The following SYT14 variants were observed in gnomAD, a reference collection of about 807,000 sequenced individuals.
SYT14 encodes synaptotagmin 14.
A neutral mutation model predicts 74.2 loss-of-function variants in SYT14; 32 were observed. The observed-to-expected ratio is 0.43, with a 90% CI of 0.33 to 0.58. The LOEUF (loss-of-function observed/expected upper bound fraction) is 0.58. Ranked by LOEUF, SYT14 falls within the 20% of genes least tolerant of loss-of-function variation. The pLI is 0.05. For missense variants in SYT14, 791 were observed against 981.8 expected, an observed-to-expected ratio of 0.81 and a Z score of 2.60; for synonymous variants, 298 against 337.7, an observed-to-expected ratio of 0.88 and a Z score of 1.29.
intron 1 of SYT14, among the ~76,000 whole-genome samples, chr1:209,947,144 C>A (rs115589300): frequency 6.6e-6 from 1 of 152,088 alleles, no homozygotes; most frequent in East Asian, 1.9e-4. Context: ...CTGATGGAGA[C>A]GTACAAGGAG....
intron 5 of SYT14, among the ~76,000 whole-genome samples, chr1:210,032,851 A>C (rs894709593): frequency 1.3e-5 from 2 of 150,354 alleles, no homozygotes; most frequent in Admixed American, 6.7e-5. Flanking sequence ...TAATTGTGAT[A>C]GAAGCGTACC....
chr1:210,034,310 A>C (rs1317254118), intron 5 of SYT14, among the ~76,000 whole-genome samples: 1 of 151,828 alleles, frequency 6.6e-6, no homozygotes, highest in African/African-American at 2.4e-5. Context: ...TAGATAACAT[A>C]ATATGAGAAA....
At chr1:210,072,581 G>A (rs1483439664) in intron 5 of SYT14, among the ~76,000 whole-genome samples, 1 of 152,012 alleles carries the variant, frequency 6.6e-6, no homozygotes, top group Non-Finnish European at 1.5e-5. Flanking sequence ...GGACATGGGA[G>A]TACAGGAGTA....
exon 7 of SYT14, chr1:210,100,383 G>T (rs2082042143): frequency 1.9e-6 from 3 of 1,613,556 alleles, no homozygotes; most frequent in Admixed American, 1.7e-5. Context: ...TGGGGGAAAA[G>T]ATTTTTTATT....
intron 5 of SYT14, among the ~76,000 whole-genome samples, chr1:210,026,605 T>TACAC (rs368072216): frequency 0.12 from 16,802 of 138,204 alleles, 1,086 homozygotes; most frequent in African/African-American, 0.14. Context: ...GTATATAGCT[T>TACAC]ACACACACAC....
chr1:210,047,927 A>G (rs1030891427), intron 5 of SYT14, among the ~76,000 whole-genome samples: 1 of 152,198 alleles, frequency 6.6e-6, no homozygotes, highest in African/African-American at 2.4e-5. Context: ...GTGTTACATC[A>G]GGGACCACAT....
intron 1 of SYT14, among the ~76,000 whole-genome samples, chr1:209,950,857 A>G (rs1308694492): frequency 6.6e-6 from 1 of 152,182 alleles, no homozygotes; most frequent in Non-Finnish European, 1.5e-5. Flanking sequence ...GGAAAGTTTA[A>G]AAGTAATTCA....
At chr1:209,950,536 G>A (rs1304542559) in intron 1 of SYT14, among the ~76,000 whole-genome samples, 1 of 152,074 alleles carries the variant, frequency 6.6e-6, no homozygotes, top group African/African-American at 2.4e-5. Flanking sequence ...TATAACCATA[G>A]TTTTAAGTTA....
intron 2 of SYT14, chr1:209,953,125 G>A: frequency 2.3e-6 from 3 of 1,297,366 alleles, no homozygotes; most frequent in Non-Finnish European, 3.0e-6. Flanking sequence ...TCAGAGAGAT[G>A]TGAGGAGTTG....
At chr1:210,012,704 C>A (rs1033592125) in intron 2 of SYT14, among the ~76,000 whole-genome samples, 1 of 150,574 alleles carries the variant, frequency 6.6e-6, no homozygotes, top group South Asian at 2.1e-4. Context: ...TTCTTTCTTT[C>A]TTTCTTTTTT....
intron 9 of SYT14, 90 bp from the exon 9 acceptor site, chr1:210,160,632 TTATAAAG>T (rs2102727373): frequency 5.6e-6 from 6 of 1,064,564 alleles, no homozygotes; most frequent in Non-Finnish European, 6.9e-6. Context: ...CACCATATCC[TTATAAAG>T]TATAAATACT....
intron 5 of SYT14, among the ~76,000 whole-genome samples, chr1:210,025,112 A>G (rs2080382632): frequency 6.6e-6 from 1 of 152,108 alleles, no homozygotes; most frequent in Non-Finnish European, 1.5e-5. Flanking sequence ...TTTGTAACCC[A>G]ACTGTTCACC....
Position 210,143,521 on chromosome 1 carries a change from A to G in SYT14, c.2035-12200A>G, listed in dbSNP as rs1426442534. Reference sequence around the variant, plus strand: ...ATATTTTAATATCTTGAAAAATGTCATATATTATTTAGCGCTATATTCAAT... The same window carrying G: ...ATATTTTAATATCTTGAAAAATGTCGTATATTATTTAGCGCTATATTCAAT... On this transcript the variant is annotated intron_variant, in intron 7 of 9. Coordinates refer to ENST00000637265, the Ensembl canonical transcript of SYT14. Among the ~76,000 whole-genome samples the G allele has an allele frequency of 5.9e-5, 9 of 152,190 alleles. No individual in the cohort carries two copies. The East Asian group carries it at 1.7e-3, about 29-fold the overall frequency.
At chr1:210,101,858 A>G (rs1317063364) in intron 7 of SYT14, among the ~76,000 whole-genome samples, 1 of 152,170 alleles carries the variant, frequency 6.6e-6, no homozygotes, top group Non-Finnish European at 1.5e-5. Flanking sequence ...TGTCATCAAG[A>G]GGTATGTAAT....
chr1:209,941,090 G>A (rs1450377777), intron 1 of SYT14, among the ~76,000 whole-genome samples: 3 of 152,090 alleles, frequency 2.0e-5, no homozygotes, highest in African/African-American at 7.2e-5. Flanking sequence ...ATTAGCTATG[G>A]CCCAGTGTTT....
intron 4 of SYT14, among the ~76,000 whole-genome samples, chr1:210,018,329 T>C (rs907416763): frequency 3.3e-5 from 5 of 152,180 alleles, no homozygotes; most frequent in Admixed American, 6.5e-5. Context: ...AGATAGGGTT[T>C]CATCATGTTG....
chr1:210,122,943 A>C (rs571609710), intron 7 of SYT14, among the ~76,000 whole-genome samples: 1 of 152,198 alleles, frequency 6.6e-6, no homozygotes, highest in Non-Finnish European at 1.5e-5. Context: ...TAAATAATAG[A>C]TTTGCATAAC....
exon 10 of SYT14, chr1:210,164,905 A>G (rs1168773569): frequency 6.6e-6 from 1 of 152,128 alleles, no homozygotes; most frequent in Non-Finnish European, 1.5e-5. Context: ...AACCATATTT[A>G]ATATTGAATA....
chr1:209,966,407 A>G (rs2079159320), intron 2 of SYT14, among the ~76,000 whole-genome samples: 1 of 152,216 alleles, frequency 6.6e-6, no homozygotes, highest in Non-Finnish European at 1.5e-5. Flanking sequence ...TGTTAGAAAA[A>G]AACACCTGTA....
Sources: allele counts gnomAD v4.1 joint callset (sites outside exome capture counted in the v4.1 genomes callset), GRCh38; gene constraint gnomAD v4.1.1; transcripts MANE v1.5; gene names NCBI Gene and HGNC (gene_info 2026-07-23, HGNC 2026-07-21).